Variants in TRPM6 observed in about 807,000 individuals in gnomAD.
TRPM6 encodes the protein transient receptor potential cation channel subfamily M member 6, also known as channel kinase 2.
In TRPM6, 111 loss-of-function variants were observed where a neutral mutation model predicts 247.6. The observed-to-expected ratio is 0.45, with a 90% CI of 0.38 to 0.52. The LOEUF is 0.52. TRPM6 is among the 20% of genes least tolerant of loss of function. The pLI is 0.00. For synonymous variants in TRPM6, 892 were observed against 853.8 expected (o/e 1.04, Z -0.78); for missense variants, 2,126 against 2,421.5 (o/e 0.88, Z 2.56).
chr9:74,887,710 C>T (rs1478265152), intron 1 of TRPM6, 114 bp downstream of exon 1: 1 of 1,611,860 alleles, frequency 6.2e-7, no homozygotes, highest in Non-Finnish European at 8.5e-7. Flanking sequence ...TATTCTAGAT[C>T]CTCGTTAGAT....
Position 74,879,046 on chromosome 9 carries a change from T to C in TRPM6, c.33+8778A>G, listed in dbSNP as rs7876046. Among the ~76,000 whole-genome samples the C allele has an allele frequency of 6.6e-3, 1,000 of 152,084 alleles. 14 individuals carry two copies. The highest frequency in any genetic ancestry group is 0.023 in the African/African-American group (968 of 41,510). On this transcript the variant is annotated intron_variant, in intron 1 of 38. Transcript: ENST00000360774. ...GTTTTATTTAAAAAGCTCAGTGAGATACAAGAGAACTTGAAAATACAATAC... is the reference window on the plus strand; with the variant it reads ...GTTTTATTTAAAAAGCTCAGTGAGACACAAGAGAACTTGAAAATACAATAC...
At chr9:74,816,315 G>A (rs954993668) in intron 11 of TRPM6, among the ~76,000 whole-genome samples, 6 of 152,068 alleles carry the variant, frequency 3.9e-5, no homozygotes, top group Non-Finnish European at 8.8e-5. Context: ...GTTACAGTGA[G>A]CTATGATCAT....
At chr9:74,874,257 A>C (rs900255158) in intron 1 of TRPM6, among the ~76,000 whole-genome samples, 7 of 145,914 alleles carry the variant, frequency 4.8e-5, no homozygotes, top group Non-Finnish European at 9.1e-5. Flanking sequence ...AAAAAAAAAA[A>C]CAAGAATTAG....
intron 27 of TRPM6, among the ~76,000 whole-genome samples, chr9:74,760,345 T>C (rs1826581763): frequency 1.3e-5 from 2 of 152,322 alleles, no homozygotes; most frequent in Non-Finnish European, 1.5e-5. Context: ...ACAAATACCA[T>C]TGTGTTACAA....
intron 31 of TRPM6, among the ~76,000 whole-genome samples, chr9:74,746,307 A>G (rs1020172908): frequency 6.6e-6 from 1 of 152,152 alleles, no homozygotes; most frequent in African/African-American, 2.4e-5. Flanking sequence ...ATTTTGAAAG[A>G]TTTACTGATA....
intron 6 of TRPM6, among the ~76,000 whole-genome samples, chr9:74,833,347 T>C (rs1003650365): frequency 3.3e-5 from 5 of 152,168 alleles, no homozygotes; most frequent in Non-Finnish European, 7.3e-5. Flanking sequence ...CTGAGACAAG[T>C]CCGTTCCCTT....
chr9:74,821,974 C>G, intron 7 of TRPM6, 137 bp from the exon 8 acceptor site: 1 of 1,055,964 alleles, frequency 9.5e-7, no homozygotes, highest in Non-Finnish European at 1.4e-6. Flanking sequence ...TCATTTTACC[C>G]TGGTTTGCTT....
At chr9:74,766,370 G>C (rs907255455) in intron 25 of TRPM6, among the ~76,000 whole-genome samples, 1 of 152,148 alleles carries the variant, frequency 6.6e-6, no homozygotes, top group African/African-American at 2.4e-5. Context: ...TATAATTTTA[G>C]TTTCCTCCAT....
chr9:74,815,636 G>A (rs1828899184), intron 11 of TRPM6, among the ~76,000 whole-genome samples: 1 of 152,192 alleles, frequency 6.6e-6, no homozygotes, highest in Admixed American at 6.6e-5. Context: ...TTGCAGCCGT[G>A]AGGCCCACAA....
At chr9:74,736,964 TTGTG>T (rs946952650) in intron 36 of TRPM6, among the ~76,000 whole-genome samples, 4 of 152,306 alleles carry the variant, frequency 2.6e-5, no homozygotes, top group Non-Finnish European at 5.9e-5. Context: ...TTGTTTTTTT[TTGTG>T]TGTGTGTTTC....
intron 27 of TRPM6, among the ~76,000 whole-genome samples, chr9:74,758,806 T>C (rs536939385): frequency 2.6e-5 from 4 of 152,218 alleles, no homozygotes; most frequent in African/African-American, 7.2e-5. Flanking sequence ...GAAAAGGAAA[T>C]ACAACATGTC....
intron 27 of TRPM6, among the ~76,000 whole-genome samples, chr9:74,757,056 T>C (rs1826450530): frequency 6.6e-6 from 1 of 151,796 alleles, no homozygotes; most frequent in Admixed American, 6.6e-5. Context: ...TGTATGCCTA[T>C]AGTCCCAGCT....
intron 27 of TRPM6, among the ~76,000 whole-genome samples, chr9:74,755,872 T>C (rs1826414696): frequency 1.3e-5 from 2 of 152,212 alleles, no homozygotes; most frequent in South Asian, 4.1e-4. Context: ...AGATCATATT[T>C]TGAGAAAATA....
intron 12 of TRPM6, among the ~76,000 whole-genome samples, chr9:74,811,656 A>G (rs749025182): frequency 4.6e-5 from 7 of 152,228 alleles, no homozygotes; most frequent in African/African-American, 9.6e-5. Context: ...CTAGGATAAA[A>G]TAGAATTGGT....
chr9:74,786,462 G>A (rs1397983827), intron 20 of TRPM6, among the ~76,000 whole-genome samples: 1 of 152,076 alleles, frequency 6.6e-6, no homozygotes, highest in Non-Finnish European at 1.5e-5. Context: ...ACTGCAGGCT[G>A]GGCGCGGTGG....
chr9:74,769,945 G>T (rs577795081), intron 25 of TRPM6, among the ~76,000 whole-genome samples: 3 of 152,124 alleles, frequency 2.0e-5, no homozygotes, highest in Admixed American at 2.0e-4. Context: ...AAGCTTGCCC[G>T]TCGGACTCAA....
At chr9:74,779,946 G>C (rs2118911671) in intron 23 of TRPM6, among the ~76,000 whole-genome samples, 1 of 152,292 alleles carries the variant, frequency 6.6e-6, no homozygotes, top group Admixed American at 6.5e-5. Context: ...GGCCAAGGTG[G>C]GCGGATCACA....
intron 1 of TRPM6, among the ~76,000 whole-genome samples, chr9:74,874,604 A>C (rs1335533797): frequency 6.6e-6 from 1 of 152,198 alleles, no homozygotes; most frequent in Non-Finnish European, 1.5e-5. Context: ...TGATATTGTA[A>C]AGTGAGAAGA....
At position 74,732,699 on chromosome 9, in the gene TRPM6, T is replaced by C; in HGVS notation, c.5814A>G (p.Lys1938=). 2 of 1,608,990 alleles carry C rather than the reference T, an allele frequency of 1.2e-6. No individual in the cohort carries two copies. Among genetic ancestry groups the C allele is most frequent in the South Asian group, 2.2e-5 (2 of 89,886 alleles). ...AATTAACTTACTGTTTGACTTCAGG[T>C]TTTATAACAGATGGATCTGTCAAAT... ...GENLTDPSVI[K]PEVKQSRGMV... Residue 1938 remains lysine, a synonymous_variant, in exon 37 of 39, where the codon AAA becomes AAG. Transcript: ENST00000360774.
Sources: gnomAD v4.1 joint callset for allele counts (sites outside exome capture counted in the v4.1 genomes callset) on GRCh38, gnomAD v4.1.1 for gene constraint, MANE v1.5 for transcripts, NCBI Gene and HGNC (gene_info 2026-07-23, HGNC 2026-07-21) for gene names.